Variants in BRAF observed in about 807,000 individuals in gnomAD.
BRAF encodes the protein serine/threonine-protein kinase B-raf.
In BRAF, 16 loss-of-function variants were observed where a neutral mutation model predicts 104.6. That is an observed-to-expected ratio of 0.15 (90% CI 0.10 to 0.23). The LOEUF (loss-of-function observed/expected upper bound fraction) is 0.23. Ranked by LOEUF, BRAF falls within the 10% of genes least tolerant of loss-of-function variation. BRAF has a pLI of 1.00. For synonymous variants in BRAF, 310 were observed against 341.6 expected (o/e 0.91, Z 1.02); for missense variants, 541 against 937.3 (o/e 0.58, Z 5.52).
In BRAF at chr7:140,800,352, C is replaced by G. The variant is rs771029578; in HGVS notation, c.980+10G>C. 6.2e-7 allele frequency: 1 copy of G among 1,614,044 alleles called. No homozygotes were observed. The highest frequency in any genetic ancestry group is 1.1e-5 in the South Asian group (1 of 91,060). The stretch of plus-strand genomic sequence containing the variant: ...TAGCATGTCGCCCAAGAGCAGAAGT[C>G]AAACCATACCCAATAGAGTCCGAGG... On this transcript the variant is annotated intron_variant, in intron 7 of 19. Coordinates refer to ENST00000644969, the MANE Select transcript of BRAF (RefSeq NM_001374258.1).
chr7:140,754,485 T>C (rs972584373), intron 14 of BRAF, among the ~76,000 whole-genome samples: 2 of 152,190 alleles, frequency 1.3e-5, no homozygotes, highest in African/African-American at 4.8e-5. Flanking sequence ...CTTTTACTAG[T>C]TACCAATACA....
intron 2 of BRAF, among the ~76,000 whole-genome samples, chr7:140,839,548 G>T (rs1807707954): frequency 6.6e-6 from 1 of 151,900 alleles, no homozygotes; most frequent in Non-Finnish European, 1.5e-5. Flanking sequence ...TGGGAAACAT[G>T]GTGAAACCCC....
chr7:140,726,721 T>C (rs1347584374), intron 19 of BRAF, among the ~76,000 whole-genome samples: 3 of 152,210 alleles, frequency 2.0e-5, no homozygotes, highest in African/African-American at 7.2e-5. Context: ...TTCAGCTCTA[T>C]CAATTAAATA....
chr7:140,868,716 G>C (rs998261627), intron 1 of BRAF, among the ~76,000 whole-genome samples: 1 of 152,106 alleles, frequency 6.6e-6, no homozygotes, highest in South Asian at 2.1e-4. Context: ...TGAGTGATTT[G>C]TATGGTAGGT....
At chr7:140,820,884 G>A (rs757709120) in intron 3 of BRAF, among the ~76,000 whole-genome samples, 1 of 152,134 alleles carries the variant, frequency 6.6e-6, no homozygotes, top group Non-Finnish European at 1.5e-5. Context: ...AGTTAGCTGT[G>A]ATTATACCAC....
chr7:140,841,393 T>A (rs1464118112), intron 2 of BRAF, among the ~76,000 whole-genome samples: 1 of 152,144 alleles, frequency 6.6e-6, no homozygotes, highest in African/African-American at 2.4e-5. Flanking sequence ...TTCCTAGGCA[T>A]ACAGCCAGGA....
In BRAF at chr7:140,924,295, T is replaced by C. The variant is rs558822460; in HGVS notation, c.138+271A>G. Among the ~76,000 whole-genome samples, 14 of 152,142 alleles carry C rather than the reference T, an allele frequency of 9.2e-5. No individual in the cohort carries two copies. The highest frequency in any genetic ancestry group is 3.9e-4 in the East Asian group (2 of 5,122). ...GACCAACCCTGAGTTTCGCCCCCTA[T>C]TGATAGCCTCCCGCTCAACCACCGC... On this transcript the variant is annotated intron_variant, in intron 1 of 19. Transcript: ENST00000644969. The surrounding 1 kb of genome is among the most constrained non-coding windows in gnomAD (Gnocchi z 4.2).
rs1280109058 is a variant in BRAF at position 140,785,825 on chromosome 7, A to T, written c.1178-17T>A. The T allele has an allele frequency of 1.0e-5, 4 of 398,912 alleles. No individual in the cohort carries two copies. Among genetic ancestry groups the T allele is most frequent in the Non-Finnish European group, 1.8e-5 (4 of 226,094 alleles). 24.7% of individuals were successfully genotyped at this position (398,912 alleles called of 1,614,324 possible). A position where few individuals can be genotyped will look rare whatever the true frequency, so the allele number is the denominator to read the frequency against. On this transcript the variant is annotated splice_polypyrimidine_tract_variant and intron_variant, in intron 9 of 19. Coordinates refer to ENST00000644969, the MANE Select transcript of BRAF (RefSeq NM_001374258.1). ...TCAAAGGGGCTGTTAGAAGAGAAAG[A>T]GAGGGGCAGGCAAACACAGGAAGAC...
chr7:140,760,421 GA>G (rs55872126), intron 14 of BRAF, among the ~76,000 whole-genome samples: 39,146 of 111,178 alleles, frequency 0.35, 6,465 homozygotes, highest in African/African-American at 0.52. Context: ...TTGAGAGAGA[GA>G]AAAAAAAAAA....
chr7:140,752,504 A>G (rs1040434436), intron 16 of BRAF, among the ~76,000 whole-genome samples: 1 of 152,214 alleles, frequency 6.6e-6, no homozygotes, highest in African/African-American at 2.4e-5. Flanking sequence ...CCTTTTAAGA[A>G]TGCTGTTTTA....
intron 3 of BRAF, among the ~76,000 whole-genome samples, chr7:140,815,500 C>T (rs1208053512): frequency 6.8e-6 from 1 of 147,542 alleles, no homozygotes; most frequent in East Asian, 2.0e-4. Flanking sequence ...ATGGTGCGAC[C>T]TAGAATCACT....
chr7:140,763,132 C>T (rs1465479074), intron 14 of BRAF, among the ~76,000 whole-genome samples: 1 of 152,236 alleles, frequency 6.6e-6, no homozygotes, highest in African/African-American at 2.4e-5. Flanking sequence ...GTACACCTCC[C>T]AGACGGGGTG....
At chr7:140,716,919 T>C (rs1471911763), downstream of BRAF, among the ~76,000 whole-genome samples, 2 of 152,178 alleles carry the variant, frequency 1.3e-5, no homozygotes, top group African/African-American at 4.8e-5. Context: ...CCAGGAGCAA[T>C]GGTGGGAAAC....
intron 1 of BRAF, among the ~76,000 whole-genome samples, chr7:140,888,833 C>T (rs966479048): frequency 5.5e-5 from 8 of 145,154 alleles, no homozygotes; most frequent in Admixed American, 4.0e-4. Context: ...AAAACTCCGT[C>T]TTAAAAAAAA....
chr7:140,902,654 C>T (rs573719667), intron 1 of BRAF, among the ~76,000 whole-genome samples: 116 of 152,248 alleles, frequency 7.6e-4, no homozygotes, highest in South Asian at 2.5e-3. Flanking sequence ...CAAAACAGGC[C>T]GGGCACTACG....
chr7:140,750,924 G>C (rs1189124474), intron 16 of BRAF, among the ~76,000 whole-genome samples: 1 of 152,082 alleles, frequency 6.6e-6, no homozygotes, highest in Non-Finnish European at 1.5e-5. Flanking sequence ...TCTCACAAAG[G>C]TTTCTTTCTC....
intron 1 of BRAF, among the ~76,000 whole-genome samples, chr7:140,903,498 C>A (rs985002639): frequency 2.0e-5 from 3 of 152,190 alleles, no homozygotes; most frequent in Non-Finnish European, 2.9e-5. Flanking sequence ...CCTGGTCACC[C>A]AAGAGCTCTG....
chr7:140,892,364 T>C (rs1736073564), intron 1 of BRAF, among the ~76,000 whole-genome samples: 1 of 152,226 alleles, frequency 6.6e-6, no homozygotes, highest in Non-Finnish European at 1.5e-5. Flanking sequence ...CTATATAATA[T>C]AGTACAGGGT....
intron 14 of BRAF, among the ~76,000 whole-genome samples, chr7:140,756,176 T>A (rs118140796): frequency 4.4e-3 from 677 of 152,292 alleles, no homozygotes; most frequent in South Asian, 9.1e-3. Context: ...ATACCCAGCA[T>A]AGAAGTTATA....
Sources: gnomAD v4.1 joint callset for allele counts (sites outside exome capture counted in the v4.1 genomes callset) on GRCh38, gnomAD v4.1.1 for gene constraint, Gnocchi (gnomAD v3.1) non-coding constraint, MANE v1.5 for transcripts, NCBI Gene and HGNC (gene_info 2026-07-23, HGNC 2026-07-21) for gene names.